FAT4: variants seen among roughly 807,000 people sequenced by gnomAD.
FAT4 encodes FAT atypical cadherin 4, also known as protocadherin Fat 4.
In FAT4, 84 loss-of-function variants were observed where a neutral mutation model predicts 303.9. The observed-to-expected ratio is 0.28, with a 90% CI of 0.23 to 0.33. FAT4 has a LOEUF of 0.33. FAT4 is among the 10% of genes least tolerant of loss of function. The pLI is 1.00. For synonymous variants in FAT4, 2,307 were observed against 2,298.8 expected, an observed-to-expected ratio of 1.00 and a Z score of -0.10; for missense variants, 6,005 against 6,146.8, an observed-to-expected ratio of 0.98 and a Z score of 0.77.
intron 2 of FAT4, among the ~76,000 whole-genome samples, chr4:125,347,909 A>C (rs1483504963): frequency 6.6e-6 from 1 of 151,794 alleles, no homozygotes; most frequent in Non-Finnish European, 1.5e-5. Flanking sequence ...AAGAGTTAGC[A>C]GTTTATCATA....
intron 16 of FAT4, 38 bp from the exon 17 acceptor site, chr4:125,487,307 A>C: frequency 6.4e-7 from 1 of 1,570,526 alleles, no homozygotes; most frequent in Non-Finnish European, 8.7e-7. Flanking sequence ...TAAGCATACC[A>C]TATTTTAATT....
Position 125,463,644 on chromosome 4 carries a change from CTTA to C in FAT4, c.11888_11890del (p.Tyr3963del), listed in dbSNP as rs766475561. The C allele has an allele frequency of 7.0e-5, 111 of 1,587,238 alleles. No individual in the cohort carries two copies. The highest frequency in any genetic ancestry group is 1.7e-4 in the Admixed American group (10 of 58,468). On this transcript the variant is annotated inframe_deletion, in exon 11 of 18. Coordinates refer to ENST00000394329, the MANE Select transcript of FAT4 (RefSeq NM_001291303.3). ...GGTTCCTGCCAAAGTGGTGTGGATT[CTTA>C]TTATTGTCATTGTCCATTTGGTGAG... is the stretch of plus-strand genomic sequence containing the variant.
chr4:125,388,452 A>G (rs549000770), intron 2 of FAT4, among the ~76,000 whole-genome samples: 1 of 152,336 alleles, frequency 6.6e-6, no homozygotes, highest in African/African-American at 2.4e-5. Context: ...GTTTTATACT[A>G]AAATTTCCCT....
chr4:125,427,477 A>G (rs1163104336), intron 7 of FAT4, among the ~76,000 whole-genome samples: 1 of 152,080 alleles, frequency 6.6e-6, no homozygotes, highest in African/African-American at 2.4e-5. Context: ...TGTAGAACTA[A>G]TTAGCAGCAA....
At chr4:125,487,234 A>T in intron 16 of FAT4, 111 bp from the exon 17 acceptor site, 1 of 867,110 alleles carries the variant, frequency 1.2e-6, no homozygotes, top group Non-Finnish European at 1.7e-6. Flanking sequence ...CAGATTCTTC[A>T]GCTATTCTAT....
chr4:125,395,510 A>G (rs1319303695), intron 2 of FAT4, among the ~76,000 whole-genome samples: 2 of 152,036 alleles, frequency 1.3e-5, no homozygotes, highest in Non-Finnish European at 2.9e-5. Flanking sequence ...GGGTTTTGCC[A>G]TGTTGGCCAG....
chr4:125,415,133 C>T lies in FAT4; in HGVS notation c.6170C>T (p.Thr2057Ile), dbSNP rs377617192. Residue 2057 changes from threonine to isoleucine, a missense_variant, in exon 6 of 18, where the codon ACA (threonine) becomes ATA (isoleucine). Coordinates refer to ENST00000394329, the MANE Select transcript of FAT4 (RefSeq NM_001291303.3). ...CCGACATTTCTTTCCCCTAAATTGA[C>T]ATACATTCCAGAAAATACACCTATT... ...NPPTFLSPKL[T>I]YIPENTPIDT... 8 of 1,613,866 alleles carry T rather than the reference C, an allele frequency of 5.0e-6. No homozygotes were observed. The African/African-American group carries it at 1.1e-4, about 22-fold the overall frequency.
In FAT4 at chr4:125,446,482, C is replaced by T. The variant is rs1389670414; in HGVS notation, c.7389C>T (p.Asp2463=). 6.2e-7 allele frequency: 1 copy of T among 1,613,442 alleles called. No individual in the cohort carries two copies. The highest frequency in any genetic ancestry group is 8.5e-7 in the Non-Finnish European group (1 of 1,179,508). The change falls in exon 9 of 18, where the codon GAC becomes GAT. Residue 2463 remains aspartate, a synonymous_variant. Coordinates refer to ENST00000394329, the MANE Select transcript of FAT4 (RefSeq NM_001291303.3). ...SVLVTVTDVN[D]NPPRFQHHPY... ...TTGTCACTGTGACTGATGTCAATGA[C>T]AATCCACCAAGATTTCAGCATCACC...
intron 2 of FAT4, among the ~76,000 whole-genome samples, chr4:125,321,849 T>G (rs1730967303): frequency 6.6e-6 from 1 of 152,158 alleles, no homozygotes; most frequent in Non-Finnish European, 1.5e-5. Flanking sequence ...GGAGAAATCT[T>G]TAGCCATTTC....
rs191116871 is a variant in FAT4 at position 125,481,155 on chromosome 4, A to G, written c.12605-366A>G. ...CAAATCATTTTAACCATGCAAACGTATATTTTGGAAACACAGTGAAAATGA... is the reference window on the plus strand; with the variant it reads ...CAAATCATTTTAACCATGCAAACGTGTATTTTGGAAACACAGTGAAAATGA... On this transcript the variant is annotated intron_variant, in intron 15 of 17. Coordinates refer to ENST00000394329, the MANE Select transcript of FAT4 (RefSeq NM_001291303.3). Among the ~76,000 whole-genome samples the G allele has an allele frequency of 5.2e-3, 788 of 152,340 alleles. 3 individuals are homozygous for G. The highest frequency in any genetic ancestry group is 0.027 in the South Asian group (130 of 4,832).
At chr4:125,404,792 T>A (rs1332481020) in intron 3 of FAT4, among the ~76,000 whole-genome samples, 1 of 152,122 alleles carries the variant, frequency 6.6e-6, no homozygotes, top group Non-Finnish European at 1.5e-5. Context: ...TTTGACCATT[T>A]TAGATACTTC....
chr4:125,481,851 A>AACT, intron 16 of FAT4, 113 bp downstream of exon 16: 1 of 849,254 alleles, frequency 1.2e-6, no homozygotes, highest in Non-Finnish European at 1.9e-6. Flanking sequence ...TAGAGTTCCG[A>AACT]CTAATGCTGG....
At chr4:125,354,693 A>C (rs959675145) in intron 2 of FAT4, among the ~76,000 whole-genome samples, 9 of 151,322 alleles carry the variant, frequency 5.9e-5, no homozygotes, top group Admixed American at 3.3e-4. Context: ...GTGGAAATGG[A>C]AGAATGAAGG....
At chr4:125,412,005 A>G (rs981733988) in intron 5 of FAT4, among the ~76,000 whole-genome samples, 3 of 151,724 alleles carry the variant, frequency 2.0e-5, no homozygotes, top group Non-Finnish European at 4.4e-5. Flanking sequence ...GTGGGCCATT[A>G]AAGCCCACTA....
At chr4:125,446,016 G>T (rs1725812898) in intron 8 of FAT4, 3 of 253,014 alleles carry the variant, frequency 1.2e-5, no homozygotes, top group African/African-American at 4.4e-5. Flanking sequence ...AAGCCTTAGG[G>T]GTTTGTTTGG....
chr4:125,426,382 A>T (rs988754712), intron 7 of FAT4, among the ~76,000 whole-genome samples: 11 of 152,040 alleles, frequency 7.2e-5, no homozygotes, highest in African/African-American at 2.7e-4. Flanking sequence ...CAGACATGAA[A>T]TGCATTTGAC....
chr4:125,348,740 CTA>C (rs1186312908), intron 2 of FAT4, among the ~76,000 whole-genome samples: 1 of 151,450 alleles, frequency 6.6e-6, no homozygotes, highest in African/African-American at 2.4e-5. Flanking sequence ...GTTGATAATT[CTA>C]TGTTTAATTG....
chr4:125,390,487 T>A (rs938147543), intron 2 of FAT4, among the ~76,000 whole-genome samples: 1 of 152,212 alleles, frequency 6.6e-6, no homozygotes, highest in Admixed American at 6.5e-5. Flanking sequence ...TTTCAACTCC[T>A]CACTTGAGAT....
chr4:125,452,927 T>A, intron 10 of FAT4, 117 bp downstream of exon 10: 1 of 1,288,036 alleles, frequency 7.8e-7, no homozygotes. Flanking sequence ...TAGTAACAAA[T>A]GTTTTTAAAC....
Sources: allele counts gnomAD v4.1 joint callset (sites outside exome capture counted in the v4.1 genomes callset), GRCh38; gene constraint gnomAD v4.1.1; transcripts MANE v1.5; gene names NCBI Gene and HGNC (gene_info 2026-07-23, HGNC 2026-07-21).